CFAP54: variants seen among roughly 807,000 people sequenced by gnomAD.
CFAP54 encodes the protein cilia and flagella associated protein 54.
In CFAP54, 290 loss-of-function variants were observed where a neutral mutation model predicts 370.4. The ratio of observed to expected loss-of-function variants is 0.78; its 90% CI spans 0.71 to 0.86. The LOEUF (loss-of-function observed/expected upper bound fraction) is 0.86. CFAP54 is among the 40% of genes least tolerant of loss of function. CFAP54 has a pLI of 0.00. For synonymous variants in CFAP54, 1,206 were observed against 1,236.5 expected, an observed-to-expected ratio of 0.98 and a Z score of 0.52; for missense variants, 3,399 against 3,528.7, an observed-to-expected ratio of 0.96 and a Z score of 0.93.
At chr12:96,508,757 G>A (rs998113812) in intron 4 of CFAP54, among the ~76,000 whole-genome samples, 1 of 149,774 alleles carries the variant, frequency 6.7e-6, no homozygotes, top group Non-Finnish European at 1.5e-5. Context: ...TTAGAATCTA[G>A]CTAAGTTCCT....
chr12:96,623,652 T>C (rs1956523882), intron 27 of CFAP54, 115 bp from the exon 28 acceptor site: 1 of 607,228 alleles, frequency 1.6e-6, no homozygotes, highest in East Asian at 2.8e-5. Context: ...ATGTAGATCA[T>C]AGTTTTATCT....
chr12:96,829,139 G>A, intron 66 of CFAP54, 51 bp downstream of exon 66: 1 of 1,015,556 alleles, frequency 9.8e-7, no homozygotes, highest in Non-Finnish European at 1.4e-6. Context: ...AAGTATTATT[G>A]CTATGAAATG....
chr12:96,869,927 C>G (rs1261593899), intron 67 of CFAP54, among the ~76,000 whole-genome samples: 1 of 128,258 alleles, frequency 7.8e-6, no homozygotes, highest in Non-Finnish European at 1.6e-5. Flanking sequence ...AAGAGCAAAA[C>G]TCCGTCAAAA....
At chr12:96,537,181 A>G (rs993224575) in intron 12 of CFAP54, among the ~76,000 whole-genome samples, 3 of 152,142 alleles carry the variant, frequency 2.0e-5, no homozygotes, top group African/African-American at 7.2e-5. Context: ...TTCTTTTGCA[A>G]AGGCAAGTAA....
chr12:96,749,620 A>G (rs1365954772), intron 55 of CFAP54, among the ~76,000 whole-genome samples: 1 of 152,212 alleles, frequency 6.6e-6, no homozygotes, highest in Admixed American at 6.5e-5. Flanking sequence ...TTTGTCATCT[A>G]TAACTTGAAC....
In CFAP54 at chr12:96,489,601, C is replaced by A. The variant is rs1193327576; in HGVS notation, c.-9C>A. The stretch of plus-strand genomic sequence containing the variant: ...TACACATACTCCAGGCGGGCCGGGG[C>A]GCGTCAATATGGCGGCGCAGGGCTC... On this transcript the variant is annotated 5_prime_UTR_variant, in exon 1 of 68. Coordinates refer to ENST00000524981, the MANE Select transcript of CFAP54 (RefSeq NM_001306084.2). The A allele has an allele frequency of 1.3e-6, 2 of 1,509,186 alleles. No homozygotes were observed. The highest frequency in any genetic ancestry group is 1.4e-5 in the African/African-American group (1 of 72,356). The allele number at this position is 1,509,186 out of a possible 1,614,324, so 93.5% of individuals were successfully genotyped here.
Position 96,540,980 on chromosome 12 carries a change from A to G in CFAP54, c.2070A>G (p.Gln690=). The part of the protein sequence containing the change: ...SLGSPGRKFK[Q]SLDVPLREGT... The stretch of plus-strand genomic sequence containing the variant: ...GAAGCCCAGGAAGAAAATTTAAACA[A>G]TCTCTAGGTAAAATGTTGGCTGAAA... The change falls in exon 14 of 68, where the codon CAA becomes CAG. Residue 690 remains glutamine (Q), a synonymous_variant. Coordinates refer to ENST00000524981, the MANE Select transcript of CFAP54 (RefSeq NM_001306084.2). The G allele has an allele frequency of 6.7e-7, 1 of 1,496,092 alleles. No individual in the cohort carries two copies. Among genetic ancestry groups the G allele is most frequent in the East Asian group, 2.5e-5 (1 of 39,648 alleles). The allele number at this position is 1,496,092 out of a possible 1,614,324, so 92.7% of individuals were successfully genotyped here.
At chr12:96,684,764 G>A (rs1957306635) in intron 41 of CFAP54, 29 bp downstream of exon 41, 2 of 1,530,694 alleles carry the variant, frequency 1.3e-6, no homozygotes, top group African/African-American at 2.8e-5. Context: ...GTAGAACAAG[G>A]GCAAAGGTTT....
intron 64 of CFAP54, among the ~76,000 whole-genome samples, chr12:96,814,111 T>C (rs2136730683): frequency 6.6e-6 from 1 of 152,340 alleles, no homozygotes; most frequent in Non-Finnish European, 1.5e-5. Flanking sequence ...AGTGAAGTTC[T>C]GGACACTCAT....
intron 22 of CFAP54, among the ~76,000 whole-genome samples, chr12:96,588,193 T>C (rs1956090860): frequency 6.6e-6 from 1 of 152,150 alleles, no homozygotes; most frequent in African/African-American, 2.4e-5. Flanking sequence ...ATGTCTACTT[T>C]TTTTCTTTTT....
At position 96,622,051 on chromosome 12, in the gene CFAP54, C is replaced by T. The variant is rs563043320; in HGVS notation, c.3771+330C>T. The stretch of plus-strand genomic sequence containing the variant: ...ACTTAAAAGCTCTCTAAAGTCTCTT[C>T]CAAATCTAAGATTTTATTGTTCTGG... On this transcript the variant is annotated intron_variant, in intron 27 of 67. Coordinates refer to ENST00000524981, the MANE Select transcript of CFAP54 (RefSeq NM_001306084.2). Among the ~76,000 whole-genome samples the T allele has an allele frequency of 5.3e-5, 8 of 151,804 alleles. No individual in the cohort carries two copies. In the South Asian group the frequency reaches 8.3e-4, roughly 16 times the overall value.
chr12:96,542,605 G>A (rs1955589099), intron 14 of CFAP54, among the ~76,000 whole-genome samples: 1 of 151,904 alleles, frequency 6.6e-6, no homozygotes, highest in Admixed American at 6.6e-5. Context: ...CCCCCTCTCC[G>A]AGTATTTTAA....
rs756775917 is a variant in CFAP54 at position 96,638,205 on chromosome 12, ATGTG to A, written c.4317-5939_4317-5936del. Among the ~76,000 whole-genome samples the A allele has an allele frequency of 8.0e-3, 980 of 122,612 alleles. 9 individuals carry two copies. Among genetic ancestry groups the A allele is most frequent in the African/African-American group, 0.013 (419 of 32,370 alleles). 80.4% of individuals were successfully genotyped at this position (122,612 alleles called of 152,430 possible). ...GCATCATATATATATATATATATGC[ATGTG>A]TGTGTGTGTGTGTGTGTGTGTGTGT... On this transcript the variant is annotated intron_variant, in intron 32 of 67. Transcript: ENST00000524981.
At chr12:96,848,632 A>C (rs1592807973) in intron 66 of CFAP54, among the ~76,000 whole-genome samples, 1 of 152,154 alleles carries the variant, frequency 6.6e-6, no homozygotes, top group South Asian at 2.1e-4. Context: ...TGGGAGGTGG[A>C]GGTTGCAGTG....
intron 40 of CFAP54, chr12:96,682,204 A>G: frequency 1.0e-6 from 1 of 985,660 alleles, no homozygotes; most frequent in South Asian, 4.7e-5. Flanking sequence ...TTGCCTGGGG[A>G]CAGAGGAGAT....
chr12:96,811,068 G>T (rs753677754), intron 63 of CFAP54, among the ~76,000 whole-genome samples: 1 of 152,032 alleles, frequency 6.6e-6, no homozygotes, highest in Non-Finnish European at 1.5e-5. Context: ...CTAATTACTC[G>T]GTTTTGATTG....
chr12:96,800,135 C>T (rs1005013396), intron 63 of CFAP54, among the ~76,000 whole-genome samples: 2 of 152,122 alleles, frequency 1.3e-5, no homozygotes, highest in African/African-American at 4.8e-5. Flanking sequence ...CACAGAAACA[C>T]CATATCCATA....
At chr12:96,495,238 C>CTCCTTCCTTCCTTCCTTCCT (rs58756915) in intron 1 of CFAP54, among the ~76,000 whole-genome samples, 7 of 133,096 alleles carry the variant, frequency 5.3e-5, no homozygotes, top group African/African-American at 2.0e-4. Context: ...CTTTTCTTTT[C>CTCCTTCCTTCCTTCCTTCCT]TCCTTCCTTC....
At position 96,591,910 on chromosome 12, in the gene CFAP54, A is replaced by AT. The variant is rs11285595; in HGVS notation, c.3213-567dup. On this transcript the variant is annotated intron_variant, in intron 23 of 67. Coordinates refer to ENST00000524981, the MANE Select transcript of CFAP54 (RefSeq NM_001306084.2). ...CGTCTCAAAAAAAAAAAAAAGAAAT[A>AT]TTTTTTTTTTTTTGTGGGGAATGTG... Among the ~76,000 whole-genome samples, 586 of 137,984 alleles carry AT rather than the reference A, an allele frequency of 4.2e-3. 2 individuals are homozygous for AT. The highest frequency in any genetic ancestry group is 0.012 in the Middle Eastern group (3 of 248). The allele number at this position is 137,984 out of a possible 152,430, so 90.5% of individuals were successfully genotyped here. A position where few individuals can be genotyped will look rare whatever the true frequency, so the allele number is the denominator to read the frequency against.
Sources: gnomAD v4.1 joint callset for allele counts (sites outside exome capture counted in the v4.1 genomes callset) on GRCh38, gnomAD v4.1.1 for gene constraint, MANE v1.5 for transcripts, NCBI Gene and HGNC (gene_info 2026-07-23, HGNC 2026-07-21) for gene names.